Variants in BCR observed in about 807,000 individuals in gnomAD.
BCR encodes breakpoint cluster region protein.
BCR carries 58 observed loss-of-function variants against 138.6 expected under a neutral mutation model. The observed-to-expected ratio is 0.42, with a 90% CI of 0.34 to 0.52. BCR has a LOEUF of 0.52. Among genes scored for constraint, BCR ranks in the 20% least tolerant of loss-of-function variants. The pLI is 0.06. For missense variants in BCR, 1,599 were observed against 1,727.2 expected, an observed-to-expected ratio of 0.93 and a Z score of 1.32; for synonymous variants, 786 against 730.1, an observed-to-expected ratio of 1.08 and a Z score of -1.23.
At chr22:23,251,453 G>A (rs561005653) in intron 1 of BCR, among the ~76,000 whole-genome samples, 51 of 152,340 alleles carry the variant, frequency 3.3e-4, no homozygotes, top group Non-Finnish European at 6.3e-4. Context: ...CCTGTGGGAC[G>A]AGAAGTGGAG....
rs780751045 is a variant in BCR, at chr22:23,290,356, C to T, written c.2725C>T (p.Leu909Phe). 1.5e-5 allele frequency: 25 copies of T among 1,613,990 alleles called. No homozygotes were observed. Among genetic ancestry groups the T allele is most frequent in the Non-Finnish European group, 2.5e-6 (3 of 1,179,970 alleles). ...INKEDDESPG[L>F]YGFLNVIVHS... ...TTGCGCAGATGATGAGTCTCCGGGG[C>T]TCTATGGGTTTCTGAATGTCATCGT... The change falls in exon 14 of 23, where the codon CTC becomes TTC. Residue 909 changes from leucine (L) to phenylalanine (F), a missense_variant. Physicochemically the swap from Leu to Phe is conservative, Grantham distance 22. Transcript: ENST00000305877.
rs115904764 is a variant in BCR, at chr22:23,242,379, G to A, written c.1280-11420G>A. 2.1e-3 allele frequency among the ~76,000 whole-genome samples: 322 copies of A among 152,300 alleles called. 2 individuals are homozygous for A. The highest frequency in any genetic ancestry group is 7.3e-3 in the African/African-American group (302 of 41,570). ...AGGGCTATTTTCTCCCCTGGTTCAA[G>A]GAAGACACCCCTCCCAGAGGAATCT... On this transcript the variant is annotated intron_variant, in intron 1 of 22. Coordinates refer to ENST00000305877, the MANE Select transcript of BCR (RefSeq NM_004327.4).
intron 2 of BCR, among the ~76,000 whole-genome samples, chr22:23,255,825 G>A (rs1356294632): frequency 2.0e-5 from 3 of 152,184 alleles, no homozygotes; most frequent in Admixed American, 6.5e-5. Flanking sequence ...GATGTTTCTC[G>A]TGGTGCACAT....
intron 8 of BCR, among the ~76,000 whole-genome samples, chr22:23,279,479 G>A (rs1443179366): frequency 1.3e-5 from 2 of 152,186 alleles, no homozygotes; most frequent in African/African-American, 4.8e-5. Flanking sequence ...CCACTGACAG[G>A]CAGTGGCAGC....
Position 23,182,183 on chromosome 22 carries a change from G to T in BCR, c.1223G>T (p.Arg408Leu), listed in dbSNP as rs753732580. The change falls in exon 1 of 23, where the codon CGC becomes CTC. Residue 408 changes from arginine to leucine, a missense_variant. By Grantham distance (102) the Arg-to-Leu change is moderately radical. Transcript: ENST00000305877. ...TCCGAGGCCACCATCGTGGGCGTCC[G>T]CAAGACCGGGCAGATCTGGCCCAAC... ...VVSEATIVGV[R>L]KTGQIWPNDG... The T allele has an allele frequency of 1.3e-6, 2 of 1,599,968 alleles. No individual in the cohort carries two copies. Among genetic ancestry groups the T allele is most frequent in the South Asian group, 1.1e-5 (1 of 90,398 alleles).
chr22:23,187,683 T>C (rs1050705528), intron 1 of BCR, among the ~76,000 whole-genome samples: 1 of 152,102 alleles, frequency 6.6e-6, no homozygotes, highest in Non-Finnish European at 1.5e-5. Context: ...TTGTACCTAT[T>C]TAGAGGGTGT....
At chr22:23,293,545 A>T (rs990080146) in intron 15 of BCR, among the ~76,000 whole-genome samples, 1 of 152,118 alleles carries the variant, frequency 6.6e-6, no homozygotes, top group Non-Finnish European at 1.5e-5. Context: ...GCTGAGTGGC[A>T]GCTGTGATGA....
At chr22:23,290,462 C>T in intron 14 of BCR, 49 bp downstream of exon 14, 1 of 1,572,652 alleles carries the variant, frequency 6.4e-7, no homozygotes, top group Non-Finnish European at 8.8e-7. Context: ...GCCAGGGTCT[C>T]CACCCAGGAA....
intron 4 of BCR, chr22:23,263,484 T>C (rs1451483123): frequency 6.6e-5 from 103 of 1,549,686 alleles, no homozygotes; most frequent in Non-Finnish European, 3.6e-6. Flanking sequence ...TCAGATGCCC[T>C]GGATGCAGCT....
chr22:23,192,504 C>G (rs568469075), intron 1 of BCR, among the ~76,000 whole-genome samples: 1 of 152,232 alleles, frequency 6.6e-6, no homozygotes, highest in East Asian at 1.9e-4. Context: ...CCTCATTAAC[C>G]TAAGTGCCAT....
chr22:23,232,930 T>G (rs753782571), intron 1 of BCR, among the ~76,000 whole-genome samples: 2 of 152,220 alleles, frequency 1.3e-5, no homozygotes, highest in Non-Finnish European at 2.9e-5. Flanking sequence ...ATGCCACATC[T>G]GTGTGTGCAC....
chr22:23,186,549 C>T (rs2072344670), intron 1 of BCR, among the ~76,000 whole-genome samples: 1 of 152,172 alleles, frequency 6.6e-6, no homozygotes, highest in Non-Finnish European at 1.5e-5. Flanking sequence ...AATAACTCCC[C>T]ATTCCCTGCC....
At chr22:23,244,960 A>G (rs534342188) in intron 1 of BCR, among the ~76,000 whole-genome samples, 11 of 152,224 alleles carry the variant, frequency 7.2e-5, no homozygotes, top group Non-Finnish European at 1.0e-4. Context: ...GAGACAGGGG[A>G]TGGTCCTTTA....
intron 8 of BCR, among the ~76,000 whole-genome samples, chr22:23,278,192 A>G (rs941932467): frequency 6.6e-6 from 1 of 152,236 alleles, no homozygotes; most frequent in African/African-American, 2.4e-5. Context: ...GCTCGGAAGC[A>G]TAGCGGACGA....
chr22:23,262,496 G>A (rs2073372745), intron 4 of BCR, among the ~76,000 whole-genome samples: 1 of 152,232 alleles, frequency 6.6e-6, no homozygotes, highest in African/African-American at 2.4e-5. Context: ...TTCCCCCATG[G>A]CCAGAGAGCA....
In BCR at chr22:23,315,329, C is replaced by G. The variant is rs556289881; in HGVS notation, c.3727-104C>G. On this transcript the variant is annotated intron_variant, in intron 22 of 22. Coordinates refer to ENST00000305877, the MANE Select transcript of BCR (RefSeq NM_004327.4). ...GGTTCATGACACCAGCAGGGGTCCC[C>G]AGCACCTGAGATGGACTTGGAGGCT... The G allele has an allele frequency of 2.6e-5, 27 of 1,058,010 alleles. No homozygotes were observed. The East Asian group carries it at 6.7e-4, about 26-fold the overall frequency. 65.5% of individuals were successfully genotyped at this position (1,058,010 alleles called of 1,614,324 possible).
intron 1 of BCR, among the ~76,000 whole-genome samples, chr22:23,201,820 G>C (rs910537367): frequency 6.6e-6 from 1 of 152,136 alleles, no homozygotes; most frequent in Non-Finnish European, 1.5e-5. Flanking sequence ...CAGACCCTTC[G>C]GTTTCTGGGA....
chr22:23,291,017 GACCA>G (rs1196243682), intron 14 of BCR: 1 of 155,186 alleles, frequency 6.4e-6, no homozygotes, highest in Non-Finnish European at 1.4e-5. Flanking sequence ...AGACCAGCCT[GACCA>G]ACATGGTGAA....
At position 23,260,063 on chromosome 22, in the gene BCR, G is replaced by A. The variant is rs531487920; in HGVS notation, c.1462-887G>A. ...CCTTAAAGGCCCTGCCTTCAGATACGGTAACGTTCTAAGGTACTGGGGGTT... is the reference window on the plus strand; with the variant it reads ...CCTTAAAGGCCCTGCCTTCAGATACAGTAACGTTCTAAGGTACTGGGGGTT... On this transcript the variant is annotated intron_variant, in intron 2 of 22. Coordinates refer to ENST00000305877, the MANE Select transcript of BCR (RefSeq NM_004327.4). Among the ~76,000 whole-genome samples the A allele has an allele frequency of 5.9e-5, 9 of 152,300 alleles. 1 individual carries two copies. Among genetic ancestry groups the A allele is most frequent in the African/African-American group, 1.2e-4 (5 of 41,566 alleles).
Sources: allele counts gnomAD v4.1 joint callset (sites outside exome capture counted in the v4.1 genomes callset), GRCh38; gene constraint gnomAD v4.1.1; transcripts MANE v1.5; gene names NCBI Gene and HGNC (gene_info 2026-07-23, HGNC 2026-07-21).